Variants in CDYL observed in about 807,000 individuals in gnomAD.
CDYL encodes the protein chromodomain Y like, also known as chromodomain Y-like protein.
A neutral mutation model predicts 47.3 loss-of-function variants in CDYL; 8 were observed. That is an observed-to-expected ratio of 0.17 (90% CI 0.10 to 0.31). The LOEUF is 0.31. Among genes scored for constraint, CDYL ranks in the 10% least tolerant of loss-of-function variants. The probability of loss-of-function intolerance (pLI) is 1.00; values close to 1 mark genes in which losing one functional copy is unlikely to be tolerated. For synonymous variants in CDYL, 266 were observed against 265.0 expected (o/e 1.00, Z -0.04); for missense variants, 471 against 701.4 (o/e 0.67, Z 3.71).
In CDYL at chr6:4,759,879, C is replaced by CAAAAAAAAAAAAAAAAAA; in HGVS notation, c.186+25064_186+25081dup. Among the ~76,000 whole-genome samples, 29 of 25,056 alleles carry CAAAAAAAAAAAAAAAAAA rather than the reference C, an allele frequency of 1.2e-3. 1 individual carries two copies. The highest frequency in any genetic ancestry group is 1.9e-3 in the Non-Finnish European group (17 of 8,820). 16.4% of individuals were successfully genotyped at this position (25,056 alleles called of 152,430 possible). A position where few individuals can be genotyped will look rare whatever the true frequency, so the allele number is the denominator to read the frequency against. The stretch of plus-strand genomic sequence containing the variant: ...GGGCAACAAGAGAGAAACTCCATCT[C>CAAAAAAAAAAAAAAAAAA]AAAAAAAAAAAAAAAAAAAAAAAAA... On this transcript the variant is annotated intron_variant, in intron 3 of 8. Coordinates refer to the CDYL transcript ENST00000328908.
intron 3 of CDYL, among the ~76,000 whole-genome samples, chr6:4,741,821 A>G (rs1196855740): frequency 6.6e-6 from 1 of 152,108 alleles, no homozygotes; most frequent in East Asian, 1.9e-4. Context: ...GATGCTGTAG[A>G]CTGGTCCTCT....
chr6:4,715,594 A>G (rs1757241093), intron 1 of CDYL: 3 of 666,652 alleles, frequency 4.5e-6, no homozygotes, highest in Non-Finnish European at 4.9e-6. Context: ...CTGCTTACTG[A>G]CATTTATTGC....
At chr6:4,942,090 T>G (rs911455481) in intron 4 of CDYL, among the ~76,000 whole-genome samples, 4 of 152,216 alleles carry the variant, frequency 2.6e-5, no homozygotes, top group African/African-American at 9.7e-5. Context: ...CTTAAAAGGT[T>G]GTCTGACACT....
At chr6:4,789,672 C>T (rs1184428959) in intron 1 of CDYL, among the ~76,000 whole-genome samples, 2 of 152,224 alleles carry the variant, frequency 1.3e-5, no homozygotes, top group Admixed American at 1.3e-4. Context: ...GTTATCTGAA[C>T]TCTGGGTTCA....
intron 3 of CDYL, among the ~76,000 whole-genome samples, chr6:4,760,893 C>T (rs190247244): frequency 4.5e-4 from 68 of 151,884 alleles, no homozygotes; most frequent in Non-Finnish European, 8.7e-4. Context: ...ACCAACCCAA[C>T]TCCCAGCCGC....
intron 5 of CDYL, among the ~76,000 whole-genome samples, chr6:4,945,083 A>G (rs1175504959): frequency 6.6e-6 from 1 of 152,148 alleles, no homozygotes; most frequent in Non-Finnish European, 1.5e-5. Flanking sequence ...GAGGAGACCA[A>G]GGGGACACGA....
At chr6:4,788,108 G>A (rs1348655029) in intron 1 of CDYL, among the ~76,000 whole-genome samples, 4 of 151,990 alleles carry the variant, frequency 2.6e-5, no homozygotes, top group Non-Finnish European at 4.4e-5. Context: ...CCACTGAAAG[G>A]AAAGGTCAGG....
At chr6:4,933,394 C>T (rs900290599) in intron 2 of CDYL, among the ~76,000 whole-genome samples, 1 of 152,226 alleles carries the variant, frequency 6.6e-6, no homozygotes, top group African/African-American at 2.4e-5. Context: ...CCCTCTTCCG[C>T]TCCCCCAGGC....
intron 1 of CDYL, among the ~76,000 whole-genome samples, chr6:4,712,501 G>A (rs1032867021): frequency 6.6e-5 from 10 of 152,222 alleles, no homozygotes; most frequent in African/African-American, 2.2e-4. Context: ...TTGATTAGCA[G>A]CCCACAGCAG....
chr6:4,802,091 C>T (rs1192681048), intron 1 of CDYL, among the ~76,000 whole-genome samples: 1 of 152,156 alleles, frequency 6.6e-6, no homozygotes, highest in Non-Finnish European at 1.5e-5. Flanking sequence ...CTTTTGTTTG[C>T]CCCCATGTTT....
At chr6:4,887,623 T>C (rs1294168646) in intron 1 of CDYL, among the ~76,000 whole-genome samples, 1 of 152,146 alleles carries the variant, frequency 6.6e-6, no homozygotes, top group African/African-American at 2.4e-5. Flanking sequence ...GAAGAGTATG[T>C]CATATGCAAA....
chr6:4,797,332 A>G (rs1759099571), intron 1 of CDYL, among the ~76,000 whole-genome samples: 1 of 151,924 alleles, frequency 6.6e-6, no homozygotes, highest in Non-Finnish European at 1.5e-5. Flanking sequence ...ATTTCCCGAC[A>G]TTTCATTTGA....
At chr6:4,867,856 A>G (rs1761365119) in intron 1 of CDYL, among the ~76,000 whole-genome samples, 1 of 148,204 alleles carries the variant, frequency 6.7e-6, no homozygotes, top group Non-Finnish European at 1.5e-5. Context: ...GTTTCCTAGG[A>G]ATTTTTGCAT....
At chr6:4,866,843 A>G (rs808594) in intron 1 of CDYL, among the ~76,000 whole-genome samples, 6,606 of 152,140 alleles carry the variant, frequency 0.043, 469 homozygotes, top group African/African-American at 0.15. Context: ...TACTAGGCCC[A>G]GAGAGTTCAC....
chr6:4,899,460 CAAAA>C (rs1056315909), intron 2 of CDYL, among the ~76,000 whole-genome samples: 4 of 152,080 alleles, frequency 2.6e-5, no homozygotes, highest in Non-Finnish European at 4.4e-5. Flanking sequence ...AGTTCCTAGA[CAAAA>C]GAAAGTGGGG....
At chr6:4,907,681 G>A (rs541924316) in intron 2 of CDYL, among the ~76,000 whole-genome samples, 73 of 152,254 alleles carry the variant, frequency 4.8e-4, no homozygotes, top group Admixed American at 4.4e-3. Flanking sequence ...CCTCTAATAC[G>A]GTTTTTAAGT....
intron 3 of CDYL, among the ~76,000 whole-genome samples, chr6:4,768,084 C>A (rs1758282948): frequency 6.6e-6 from 1 of 152,188 alleles, no homozygotes; most frequent in Non-Finnish European, 1.5e-5. Flanking sequence ...TCTGGCTTCA[C>A]CAGCATTTTC....
At chr6:4,925,430 G>C (rs1175087314) in intron 2 of CDYL, among the ~76,000 whole-genome samples, 4 of 14,218 alleles carry the variant, frequency 2.8e-4, no homozygotes, top group Admixed American at 7.2e-4. Context: ...TTTTTTTTTT[G>C]AGACAGAATC....
At chr6:4,837,392 C>T (rs59852455) in intron 1 of CDYL, among the ~76,000 whole-genome samples, 3,427 of 151,482 alleles carry the variant, frequency 0.023, 135 homozygotes, top group African/African-American at 0.078. Context: ...ATGAAGTAAA[C>T]GTCAGTGCGT....
Sources: gnomAD v4.1 joint callset for allele counts (sites outside exome capture counted in the v4.1 genomes callset) on GRCh38, gnomAD v4.1.1 for gene constraint, MANE v1.5 for transcripts, NCBI Gene and HGNC (gene_info 2026-07-23, HGNC 2026-07-21) for gene names.